The following PNPT1 variants were observed in gnomAD, a reference collection of about 807,000 sequenced individuals.
The protein encoded by PNPT1 is polyribonucleotide nucleotidyltransferase 1, mitochondrial.
Under a neutral mutation model 119.5 loss-of-function variants are expected in PNPT1, and 53 were observed. The observed-to-expected ratio is 0.44, with a 90% confidence interval of 0.36 to 0.56. The LOEUF (loss-of-function observed/expected upper bound fraction) is 0.56, where lower values mean the gene tolerates loss of function less well. Among genes scored for constraint, PNPT1 ranks in the 20% least tolerant of loss-of-function variants. The pLI is 0.00. For synonymous variants in PNPT1, 357 were observed against 322.1 expected, an observed-to-expected ratio of 1.11 and a Z score of -1.16; for missense variants, 948 against 938.5, an observed-to-expected ratio of 1.01 and a Z score of -0.13.
In PNPT1 at chr2:55,687,899, G is replaced by A. The variant is rs577887566; in HGVS notation, c.162-194C>T. Reference sequence around the variant, plus strand: ...TTAAGAGTGGCTTAAAGAAGAATACGGAAACCAAGGCACAGGATTGATCTG... The same window carrying A: ...TTAAGAGTGGCTTAAAGAAGAATACAGAAACCAAGGCACAGGATTGATCTG... On this transcript the variant is annotated intron_variant, in intron 1 of 27. Transcript: ENST00000447944. Among the ~76,000 whole-genome samples the A allele has an allele frequency of 1.2e-4, 19 of 152,142 alleles. No homozygotes were observed. The South Asian group carries it at 2.9e-3, about 23-fold the overall frequency.
At chr2:55,652,859 T>C (rs1237031622) in intron 18 of PNPT1, among the ~76,000 whole-genome samples, 7 of 152,312 alleles carry the variant, frequency 4.6e-5, no homozygotes, top group African/African-American at 1.7e-4. Context: ...TTTCCTTTTT[T>C]GTTTTCTTGA....
chr2:55,680,310 T>C (rs907062202), intron 7 of PNPT1, among the ~76,000 whole-genome samples: 5 of 152,136 alleles, frequency 3.3e-5, no homozygotes, highest in African/African-American at 1.2e-4. Flanking sequence ...CCTAGGACAC[T>C]TGATAATTAT....
chr2:55,692,134 C>T (rs1697637765), intron 1 of PNPT1, among the ~76,000 whole-genome samples: 1 of 151,948 alleles, frequency 6.6e-6, no homozygotes, highest in Non-Finnish European at 1.5e-5. Flanking sequence ...ATCCACCCAC[C>T]TCAGCCTCCC....
intron 5 of PNPT1, 22 bp from the exon 6 acceptor site, chr2:55,680,940 G>C (rs748283308): frequency 1.3e-6 from 2 of 1,598,132 alleles, no homozygotes; most frequent in African/African-American, 2.7e-5. Flanking sequence ...GAAAAAATTT[G>C]ATTTGGAAGG....
At chr2:55,636,457 A>G in intron 27 of PNPT1, 65 bp from the exon 28 acceptor site, 2 of 1,514,932 alleles carry the variant, frequency 1.3e-6, no homozygotes, top group Non-Finnish European at 1.8e-6. Context: ...AAACTAATAG[A>G]CATTTAAATT....
At position 55,635,315 on chromosome 2, in the gene PNPT1, AT is replaced by A. The variant is rs59973143; in HGVS notation, c.*921del. 0.91 allele frequency: 125,437 copies of A among 137,370 alleles called. 57,631 individuals carry two copies. Among genetic ancestry groups the A allele is most frequent in the African/African-American group, 0.96 (35,438 of 36,856 alleles). The allele number at this position is 137,370 out of a possible 1,614,324, so 8.5% of individuals were successfully genotyped here. A position where few individuals can be genotyped will look rare whatever the true frequency, so the allele number is the denominator to read the frequency against. Reference sequence around the variant, plus strand: ...CCTAGTTCAATTTGATAAGTAAACAATTTTTTTTTTTTTTTTGAGACGGAGT... The same window carrying A: ...CCTAGTTCAATTTGATAAGTAAACAATTTTTTTTTTTTTTTGAGACGGAGT... On this transcript the variant is annotated 3_prime_UTR_variant, in exon 28 of 28. Transcript: ENST00000447944.
intron 1 of PNPT1, among the ~76,000 whole-genome samples, chr2:55,689,376 T>C (rs972625603): frequency 1.9e-4 from 29 of 152,202 alleles, no homozygotes; most frequent in African/African-American, 7.0e-4. Context: ...CAAATCCAAA[T>C]CACAGTGAAT....
At chr2:55,654,344 C>T (rs973381737) in intron 18 of PNPT1, among the ~76,000 whole-genome samples, 8 of 152,016 alleles carry the variant, frequency 5.3e-5, no homozygotes, top group Non-Finnish European at 1.0e-4. Context: ...ATTTGTAGTC[C>T]GCCTTCCTAA....
intron 18 of PNPT1, among the ~76,000 whole-genome samples, chr2:55,649,435 A>G (rs1696105322): frequency 6.6e-6 from 1 of 152,220 alleles, no homozygotes; most frequent in South Asian, 2.1e-4. Flanking sequence ...CCATCAAGTC[A>G]CAAAGATCTG....
intron 2 of PNPT1, among the ~76,000 whole-genome samples, chr2:55,687,213 C>CA (rs777676691): frequency 0.33 from 31,168 of 93,866 alleles, 6,855 homozygotes; most frequent in African/African-American, 0.58. Context: ...GACTCCATCT[C>CA]AAAAAAAAAA....
chr2:55,650,688 G>A (rs1178918092), intron 18 of PNPT1, among the ~76,000 whole-genome samples: 1 of 151,130 alleles, frequency 6.6e-6, no homozygotes, highest in Non-Finnish European at 1.5e-5. Flanking sequence ...CGCCCCGTCC[G>A]GGATGTGAGG....
At chr2:55,686,889 C>A (rs1033688012) in intron 2 of PNPT1, among the ~76,000 whole-genome samples, 3 of 152,032 alleles carry the variant, frequency 2.0e-5, no homozygotes, top group Non-Finnish European at 2.9e-5. Flanking sequence ...CAGCACTTTG[C>A]GGGGGCAAGG....
chr2:55,678,437 G>A (rs1208845314), intron 8 of PNPT1, among the ~76,000 whole-genome samples: 1 of 152,198 alleles, frequency 6.6e-6, no homozygotes. Context: ...TGCTCAATGA[G>A]GTGTAAATAG....
intron 11 of PNPT1, among the ~76,000 whole-genome samples, chr2:55,670,927 G>C (rs1349437192): frequency 2.0e-5 from 3 of 151,612 alleles, no homozygotes; most frequent in Non-Finnish European, 2.9e-5. Flanking sequence ...ATAAAGCTGA[G>C]AAGCAATGAG....
chr2:55,651,601 C>T (rs1696205566), intron 18 of PNPT1, among the ~76,000 whole-genome samples: 1 of 151,448 alleles, frequency 6.6e-6, no homozygotes, highest in African/African-American at 2.4e-5. Context: ...GTCATCACCA[C>T]TCCCTAATCT....
chr2:55,663,869 G>A (rs928993991), intron 13 of PNPT1, among the ~76,000 whole-genome samples: 4 of 152,126 alleles, frequency 2.6e-5, no homozygotes, highest in African/African-American at 9.7e-5. Context: ...TATAGTCCCA[G>A]CTACTTGGGA....
intron 13 of PNPT1, 137 bp downstream of exon 13, chr2:55,666,854 A>G: frequency 1.8e-6 from 1 of 569,514 alleles, no homozygotes; most frequent in Non-Finnish European, 2.9e-6. Flanking sequence ...CAAAACAAAC[A>G]AGAACCGCCA....
chr2:55,692,343 T>C (rs1328717358), intron 1 of PNPT1, among the ~76,000 whole-genome samples: 1 of 152,150 alleles, frequency 6.6e-6, no homozygotes, highest in African/African-American at 2.4e-5. Context: ...TGAATTAACC[T>C]GTTCAATGTC....
At chr2:55,649,201 G>A (rs1229231774) in intron 18 of PNPT1, among the ~76,000 whole-genome samples, 1 of 152,130 alleles carries the variant, frequency 6.6e-6, no homozygotes, top group East Asian at 1.9e-4. Context: ...CGCTTTGGCA[G>A]GCCAAGATGG....
Sources: allele counts gnomAD v4.1 joint callset (sites outside exome capture counted in the v4.1 genomes callset), GRCh38; gene constraint gnomAD v4.1.1; transcripts MANE v1.5; gene names NCBI Gene and HGNC (gene_info 2026-07-23, HGNC 2026-07-21).